The following LDB2 variants were observed in gnomAD, a reference collection of about 807,000 sequenced individuals.
The protein encoded by LDB2 is LIM domain binding 2, also known as LIM domain-binding protein 2.
LDB2 carries 12 observed loss-of-function variants against 44.3 expected under a neutral mutation model. The observed-to-expected ratio is 0.27, with a 90% CI of 0.17 to 0.44. The LOEUF is 0.44. Ranked by LOEUF, LDB2 falls within the 20% of genes least tolerant of loss-of-function variation. The pLI is 1.00. For synonymous variants in LDB2, 164 were observed against 174.8 expected, an observed-to-expected ratio of 0.94 and a Z score of 0.49; for missense variants, 344 against 473.5, an observed-to-expected ratio of 0.73 and a Z score of 2.54.
chr4:16,598,115 A>G (rs1721509180), intron 2 of LDB2, among the ~76,000 whole-genome samples: 1 of 152,162 alleles, frequency 6.6e-6, no homozygotes, highest in African/African-American at 2.4e-5. Context: ...AAACCATGAC[A>G]ATGGTATTCA....
intron 5 of LDB2, among the ~76,000 whole-genome samples, chr4:16,512,484 C>T (rs573966676): frequency 1.3e-5 from 2 of 152,052 alleles, no homozygotes; most frequent in African/African-American, 4.8e-5. Context: ...CAAAAAAAAC[C>T]CCTCTTCTTT....
At chr4:16,619,796 G>GTT (rs386399372) in intron 2 of LDB2, among the ~76,000 whole-genome samples, 51,885 of 135,632 alleles carry the variant, frequency 0.38, 9,875 homozygotes, top group East Asian at 0.58. Flanking sequence ...GGATATCTCT[G>GTT]TTTTTTTTTT....
chr4:16,828,177 G>T (rs930524610), intron 1 of LDB2, among the ~76,000 whole-genome samples: 1 of 152,180 alleles, frequency 6.6e-6, no homozygotes, highest in Non-Finnish European at 1.5e-5. Context: ...TTAGCAGGAT[G>T]TAAGTGGCAA....
intron 2 of LDB2, among the ~76,000 whole-genome samples, chr4:16,658,959 T>C (rs1382620322): frequency 6.6e-6 from 1 of 152,172 alleles, no homozygotes; most frequent in African/African-American, 2.4e-5. Context: ...TTACAGATAC[T>C]AGGCCAAGTC....
At chr4:16,703,213 G>C (rs283033) in intron 2 of LDB2, among the ~76,000 whole-genome samples, 53,057 of 152,170 alleles carry the variant, frequency 0.35, 10,210 homozygotes, top group East Asian at 0.66. Context: ...AAAGTAAGGG[G>C]AGGCAGCTAT....
intron 2 of LDB2, among the ~76,000 whole-genome samples, chr4:16,641,302 T>C (rs1259559197): frequency 2.6e-5 from 4 of 152,138 alleles, no homozygotes; most frequent in African/African-American, 9.7e-5. Flanking sequence ...AATGAACCTA[T>C]GTGGAAAACA....
chr4:16,796,825 C>T (rs892130671), intron 1 of LDB2, among the ~76,000 whole-genome samples: 1 of 152,116 alleles, frequency 6.6e-6, no homozygotes, highest in Admixed American at 6.5e-5. Context: ...AAACCCATCA[C>T]CCCTGTCTAA....
At chr4:16,633,047 T>G (rs184421140) in intron 2 of LDB2, among the ~76,000 whole-genome samples, 6 of 152,132 alleles carry the variant, frequency 3.9e-5, no homozygotes, top group Non-Finnish European at 7.4e-5. Context: ...CAAATGTCCA[T>G]CAATGATAGA....
chr4:16,724,447 G>C (rs1440447540), intron 2 of LDB2, among the ~76,000 whole-genome samples: 1 of 151,664 alleles, frequency 6.6e-6, no homozygotes, highest in East Asian at 1.9e-4. Flanking sequence ...CATGAATCCT[G>C]TCTCGTTCAC....
rs1402796020 is a variant in LDB2 at position 16,893,752 on chromosome 4, A to G, written c.132+4602T>C. ...AAAAAAACCTCAAAACAGGAAAAAT[A>G]CATAACGGAACTCACACTTTTCTGG... On this transcript the variant is annotated intron_variant, in intron 1 of 7. Coordinates refer to ENST00000304523, the MANE Select transcript of LDB2 (RefSeq NM_001290.5). Among the ~76,000 whole-genome samples the G allele has an allele frequency of 7.9e-5, 12 of 152,188 alleles. No individual in the cohort carries two copies. In the South Asian group the frequency reaches 1.9e-3, roughly 24 times the overall value.
intron 1 of LDB2, among the ~76,000 whole-genome samples, chr4:16,810,862 C>A (rs994968873): frequency 6.6e-6 from 1 of 152,174 alleles, no homozygotes; most frequent in Non-Finnish European, 1.5e-5. Context: ...TCAGTCTACT[C>A]ATTCTTAGTG....
chr4:16,875,345 T>G (rs1203969130), intron 1 of LDB2, among the ~76,000 whole-genome samples: 1 of 152,140 alleles, frequency 6.6e-6, no homozygotes, highest in Non-Finnish European at 1.5e-5. Flanking sequence ...GAAAAATAAA[T>G]TTTTAAAGAT....
intron 1 of LDB2, among the ~76,000 whole-genome samples, chr4:16,775,341 C>T (rs559028491): frequency 3.9e-5 from 6 of 152,124 alleles, no homozygotes; most frequent in Non-Finnish European, 8.8e-5. Context: ...ACAAATACAG[C>T]CTACACACCT....
At chr4:16,517,122 A>G (rs1213222322) in intron 5 of LDB2, among the ~76,000 whole-genome samples, 2 of 152,172 alleles carry the variant, frequency 1.3e-5, no homozygotes, top group East Asian at 3.9e-4. Context: ...TTGCTAGTCA[A>G]ATCCGTTGGG....
At chr4:16,765,119 C>T (rs575825874) in intron 1 of LDB2, among the ~76,000 whole-genome samples, 1 of 152,286 alleles carries the variant, frequency 6.6e-6, no homozygotes, top group South Asian at 2.1e-4. Context: ...ACATCTTGTT[C>T]CCAGGTGTAT....
At chr4:16,779,417 C>A (rs982904175) in intron 1 of LDB2, among the ~76,000 whole-genome samples, 1 of 152,156 alleles carries the variant, frequency 6.6e-6, no homozygotes, top group Non-Finnish European at 1.5e-5. Flanking sequence ...AGATCTTTTC[C>A]ATTCACACTT....
chr4:16,695,133 A>G lies in LDB2; in HGVS notation c.235+64025T>C, dbSNP rs572391975. Reference sequence around the variant, plus strand: ...CAAGAGGGGGCTTCAGCCATTACTCAGTGCCTTGAAATGCATGCAAATTTC... The same window carrying G: ...CAAGAGGGGGCTTCAGCCATTACTCGGTGCCTTGAAATGCATGCAAATTTC... On this transcript the variant is annotated intron_variant, in intron 2 of 7. Transcript: ENST00000304523. Among the ~76,000 whole-genome samples the G allele has an allele frequency of 1.1e-4, 16 of 152,352 alleles. No homozygotes were observed. In the East Asian group the frequency reaches 2.3e-3, roughly 22 times the overall value.
intron 7 of LDB2, chr4:16,506,038 A>T (rs978908434): frequency 1.3e-6 from 2 of 1,528,336 alleles, no homozygotes; most frequent in Admixed American, 4.0e-5. Context: ...CTCGCCAGAC[A>T]CACACATCGC....
rs372790617 is a variant in LDB2 at position 16,839,740 on chromosome 4, C to A, written c.132+58614G>T. On this transcript the variant is annotated intron_variant, in intron 1 of 7. Coordinates refer to ENST00000304523, the MANE Select transcript of LDB2 (RefSeq NM_001290.5). The stretch of plus-strand genomic sequence containing the variant: ...AGGAAGTCTTAAACTAAAAAAGATA[C>A]TATTATTTAGAGATACCAACATGTC... 2.6e-5 allele frequency among the ~76,000 whole-genome samples: 4 copies of A among 152,140 alleles called. No individual in the cohort carries two copies. The South Asian group carries it at 6.2e-4, about 24-fold the overall frequency.
Sources: gnomAD v4.1 joint callset for allele counts (sites outside exome capture counted in the v4.1 genomes callset) on GRCh38, gnomAD v4.1.1 for gene constraint, MANE v1.5 for transcripts, NCBI Gene and HGNC (gene_info 2026-07-23, HGNC 2026-07-21) for gene names.